RAP1GAP: variants seen among roughly 807,000 people sequenced by gnomAD.
RAP1GAP encodes the protein rap1 GTPase-activating protein 1.
In RAP1GAP, 35 loss-of-function variants were observed where a neutral mutation model predicts 87.2. The observed-to-expected ratio is 0.40, with a 90% confidence interval of 0.31 to 0.53. The LOEUF (loss-of-function observed/expected upper bound fraction) is 0.53. RAP1GAP is among the 20% of genes least tolerant of loss of function. The pLI, the probability that RAP1GAP is intolerant of heterozygous loss-of-function variation, is 0.48. For synonymous variants in RAP1GAP, 375 were observed against 363.9 expected (o/e 1.03, Z -0.35); for missense variants, 734 against 898.9 (o/e 0.82, Z 2.35).
intron 6 of RAP1GAP, 30 bp from the exon 7 acceptor site, chr1:21,617,521 C>G: frequency 6.4e-7 from 1 of 1,568,734 alleles, no homozygotes; most frequent in Non-Finnish European, 8.6e-7. Context: ...AGAGCCACCC[C>G]ACACTGTACC....
In RAP1GAP at chr1:21,612,065, A is replaced by G. The variant is rs761207432; in HGVS notation, c.573T>C (p.Asn191=). 6.4e-7 allele frequency: 1 copy of G among 1,554,648 alleles called. No homozygotes were observed. The highest frequency in any genetic ancestry group is 1.2e-5 in the South Asian group (1 of 84,270). Residue 191 remains asparagine, a synonymous_variant, in exon 11 of 25, where the codon AAT becomes AAC. Transcript: ENST00000374765. ...GATAAATGACGCCAAACTTGAAGTTATTGCTGATGACATGCTCGTCAAAGG... is the reference window on the plus strand; with the variant it reads ...GATAAATGACGCCAAACTTGAAGTTGTTGCTGATGACATGCTCGTCAAAGG... ...IVTFDEHVIS[N]NFKFGVIYQK...
chr1:21,617,249 A>T (rs1347595423), intron 7 of RAP1GAP, 57 bp downstream of exon 7: 11 of 1,529,210 alleles, frequency 7.2e-6, no homozygotes, highest in Non-Finnish European at 9.7e-6. Flanking sequence ...CCCACCTCGA[A>T]TGGGGCTGAA....
At chr1:21,611,635 C>T (rs2078383038) in intron 12 of RAP1GAP, 54 bp from the exon 13 acceptor site, 2 of 1,613,570 alleles carry the variant, frequency 1.2e-6, no homozygotes, top group African/African-American at 1.3e-5. Context: ...GCCAGGCCTC[C>T]ATGGGGCCAG....
At chr1:21,653,357 A>T (rs1356125531) in intron 1 of RAP1GAP, 1 of 152,278 alleles carries the variant, frequency 6.6e-6, no homozygotes, top group Non-Finnish European at 1.5e-5. Flanking sequence ...CATTCCTAGA[A>T]CTATGTCCCT....
In RAP1GAP at chr1:21,615,288, G is replaced by A. The variant is rs1318877397; in HGVS notation, c.292-1199C>T. Among the ~76,000 whole-genome samples the A allele has an allele frequency of 6.6e-6, 1 of 152,200 alleles. No homozygotes were observed. The highest frequency in any genetic ancestry group is 1.5e-5 in the Non-Finnish European group (1 of 68,020). On this transcript the variant is annotated intron_variant, in intron 7 of 24. Transcript: ENST00000374765. This position sits in a 1 kb window ranked among gnomAD's most constrained non-coding sequence, Gnocchi z 4.5. Reference sequence around the variant, plus strand: ...GATAGGGCCCAGTGCCTGAGCACCTGGCTGCTTCCCCCATTACCCCACCTG... The same window carrying A: ...GATAGGGCCCAGTGCCTGAGCACCTAGCTGCTTCCCCCATTACCCCACCTG...
chr1:21,616,143 AC>A (rs2081950582), intron 7 of RAP1GAP, among the ~76,000 whole-genome samples: 1 of 10,496 alleles, frequency 9.5e-5, no homozygotes, highest in Non-Finnish European at 1.7e-4. Flanking sequence ...CCCAACACAC[AC>A]ACACACACAC....
chr1:21,601,911 C>A, intron 19 of RAP1GAP, 114 bp from the exon 20 acceptor site: 1 of 685,878 alleles, frequency 1.5e-6, no homozygotes, highest in Non-Finnish European at 2.4e-6. Context: ...TACCCACGCC[C>A]CTATACTCAG....
intron 21 of RAP1GAP, among the ~76,000 whole-genome samples, chr1:21,598,765 A>G (rs992047997): frequency 2.0e-5 from 3 of 152,236 alleles, no homozygotes; most frequent in African/African-American, 7.2e-5. Flanking sequence ...TGCCACTGAC[A>G]TAAATCAGGC....
intron 2 of RAP1GAP, among the ~76,000 whole-genome samples, chr1:21,645,737 G>A (rs2095989449): frequency 6.6e-6 from 1 of 152,182 alleles, no homozygotes; most frequent in Non-Finnish European, 1.5e-5. Flanking sequence ...TGCCCGTCGG[G>A]GGCCTGCCCA....
intron 2 of RAP1GAP, among the ~76,000 whole-genome samples, chr1:21,635,284 C>T (rs773670566): frequency 2.6e-5 from 4 of 152,174 alleles, no homozygotes; most frequent in Non-Finnish European, 4.4e-5. Context: ...CTCATTGTCC[C>T]TCCCCAGCCT....
chr1:21,635,904 G>A (rs2094596395), intron 2 of RAP1GAP, among the ~76,000 whole-genome samples: 1 of 152,220 alleles, frequency 6.6e-6, no homozygotes. Flanking sequence ...TCCTACAGAG[G>A]ACGAATGGGA....
chr1:21,641,172 G>A (rs1039015478), intron 2 of RAP1GAP, among the ~76,000 whole-genome samples: 5 of 149,298 alleles, frequency 3.3e-5, no homozygotes, highest in African/African-American at 9.9e-5. Flanking sequence ...CACCCACCTC[G>A]GCCTCCCCAG....
rs1346193312 is a variant in RAP1GAP, at chr1:21,649,784, G to A, written c.-136C>T. ...ACCACACACTCCGGCGAGAAGTGAA[G>A]GACTTGTCCACCCTGAAACACAACA... On this transcript the variant is annotated 5_prime_UTR_variant, in exon 2 of 25. Transcript: ENST00000374765. The A allele has an allele frequency of 1.3e-6, 2 of 1,552,424 alleles. No individual in the cohort carries two copies. Among genetic ancestry groups the A allele is most frequent in the African/African-American group, 2.7e-5 (2 of 73,130 alleles).
At chr1:21,604,907 G>A (rs1309702602) in intron 18 of RAP1GAP, among the ~76,000 whole-genome samples, 2 of 140,634 alleles carry the variant, frequency 1.4e-5, no homozygotes, top group Non-Finnish European at 3.1e-5. Context: ...GTGGGTGGAT[G>A]GATGGATTGA....
At chr1:21,602,224 G>A (rs2069239811) in intron 19 of RAP1GAP, among the ~76,000 whole-genome samples, 1 of 152,230 alleles carries the variant, frequency 6.6e-6, no homozygotes, top group Non-Finnish European at 1.5e-5. Flanking sequence ...AGTGCCCTGA[G>A]TCCCCACAGC....
chr1:21,658,748 G>C (rs971597488), intron 1 of RAP1GAP, among the ~76,000 whole-genome samples: 4 of 151,612 alleles, frequency 2.6e-5, no homozygotes, highest in Non-Finnish European at 4.4e-5. Context: ...TAAATCTAAG[G>C]GTATATTTTT....
At chr1:21,661,481 T>C (rs1005077384) in intron 1 of RAP1GAP, among the ~76,000 whole-genome samples, 10 of 152,214 alleles carry the variant, frequency 6.6e-5, no homozygotes, top group African/African-American at 2.4e-4. Context: ...TATCATAATA[T>C]ACATAAGGCC....
chr1:21,613,671 A>G lies in RAP1GAP; in HGVS notation c.431T>C (p.Ile144Thr), dbSNP rs1263848558. 10 of 1,613,702 alleles carry G rather than the reference A, an allele frequency of 6.2e-6. No homozygotes were observed. The highest frequency in any genetic ancestry group is 8.5e-6 in the Non-Finnish European group (10 of 1,179,834). Residue 144 changes from isoleucine (I) to threonine (T), a missense_variant, in exon 9 of 25, where the codon ATC becomes ACC. By Grantham distance (89) the Ile-to-Thr change is moderately conservative. Coordinates refer to ENST00000374765, the MANE Select transcript of RAP1GAP (RefSeq NM_002885.4). This position sits in a 1 kb window ranked among gnomAD's most constrained non-coding sequence, Gnocchi z 4.7. ...ATTAGGGAACTCGGTGAGGCAGGAG[A>G]TGGGGATGACATCATGGTATGTCCG... Reference protein sequence around the residue: ...KCRTYHDVIPISCLTEFPNVV... With the variant: ...KCRTYHDVIPTSCLTEFPNVV...
chr1:21,619,247 C>A (rs545537383), intron 4 of RAP1GAP, among the ~76,000 whole-genome samples, 175 bp from the exon 5 acceptor site: 3 of 152,210 alleles, frequency 2.0e-5, no homozygotes, highest in African/African-American at 7.2e-5. Context: ...GGCTGGCTGT[C>A]CCGGTAGTGA....
Sources: allele counts gnomAD v4.1 joint callset (sites outside exome capture counted in the v4.1 genomes callset), GRCh38; gene constraint gnomAD v4.1.1; non-coding constraint Gnocchi (gnomAD v3.1); transcripts MANE v1.5; gene names NCBI Gene and HGNC (gene_info 2026-07-23, HGNC 2026-07-21).